The following AMPH variants were observed in gnomAD, a reference collection of about 807,000 sequenced individuals.
The protein encoded by AMPH is amphiphysin (Stiff-Mann syndrome with breast cancer 128kD autoantigen).
A neutral mutation model predicts 99.1 loss-of-function variants in AMPH; 49 were observed. The observed-to-expected ratio is 0.49, with a 90% CI of 0.39 to 0.63. The LOEUF (loss-of-function observed/expected upper bound fraction) is 0.63, where lower values mean the gene tolerates loss of function less well. AMPH is among the 20% of genes least tolerant of loss of function. AMPH has a pLI of 0.00. For missense variants in AMPH, 759 were observed against 863.4 expected (o/e 0.88, Z 1.52); for synonymous variants, 314 against 317.3 (o/e 0.99, Z 0.11).
intron 1 of AMPH, among the ~76,000 whole-genome samples, chr7:38,558,340 G>A (rs1371833135): frequency 6.6e-6 from 1 of 152,206 alleles, no homozygotes; most frequent in Non-Finnish European, 1.5e-5. Context: ...GACAGAAGCA[G>A]GTGGAGTGCA....
chr7:38,570,925 A>ATT (rs1481187346), intron 1 of AMPH, among the ~76,000 whole-genome samples: 2 of 55,678 alleles, frequency 3.6e-5, no homozygotes, highest in Non-Finnish European at 3.6e-5. Flanking sequence ...TAACAAAAAA[A>ATT]TTTATATATA....
chr7:38,432,307 T>C, intron 12 of AMPH, 95 bp from the exon 13 acceptor site: 1 of 1,180,728 alleles, frequency 8.5e-7, no homozygotes, highest in Middle Eastern at 2.7e-4. Flanking sequence ...ATAAGCATTT[T>C]TTAAGCATTT....
chr7:38,510,006 A>G (rs7783972), intron 2 of AMPH, among the ~76,000 whole-genome samples: 88,882 of 152,000 alleles, frequency 0.58, 26,305 homozygotes, highest in Middle Eastern at 0.71. Flanking sequence ...CTTAGCTATC[A>G]TTACTCCAGG....
intron 15 of AMPH, 77 bp from the exon 16 acceptor site, chr7:38,422,554 G>C (rs1021509451): frequency 4.6e-5 from 36 of 784,964 alleles, no homozygotes; most frequent in African/African-American, 1.4e-4. Flanking sequence ...GTCTGCCTAC[G>C]TATCTATCTA....
At chr7:38,499,742 C>T (rs1388213718) in intron 3 of AMPH, among the ~76,000 whole-genome samples, 1 of 152,164 alleles carries the variant, frequency 6.6e-6, no homozygotes, top group Non-Finnish European at 1.5e-5. Context: ...TGTTTCCTTA[C>T]CCAAATCCCA....
intron 1 of AMPH, among the ~76,000 whole-genome samples, chr7:38,535,326 CTTAT>C (rs1324396427): frequency 6.6e-6 from 1 of 152,144 alleles, no homozygotes; most frequent in Non-Finnish European, 1.5e-5. Context: ...GAAGCTATGC[CTTAT>C]TTGTCTTTTT....
At chr7:38,427,198 T>C (rs773494113) in intron 14 of AMPH, among the ~76,000 whole-genome samples, 76 of 152,162 alleles carry the variant, frequency 5.0e-4, no homozygotes, top group Non-Finnish European at 1.0e-3. Context: ...AGGTTAATTT[T>C]ACAATTATTG....
intron 17 of AMPH, among the ~76,000 whole-genome samples, chr7:38,413,316 A>T (rs535471322): frequency 6.6e-6 from 1 of 152,292 alleles, no homozygotes; most frequent in South Asian, 2.1e-4. Context: ...ATTGCTTTTG[A>T]TCATAATAAC....
chr7:38,488,512 G>T (rs1024642243), intron 5 of AMPH, among the ~76,000 whole-genome samples: 2 of 138,942 alleles, frequency 1.4e-5, no homozygotes, highest in South Asian at 2.6e-4. Context: ...ACACACCGGG[G>T]CCTGTCGGGG....
intron 17 of AMPH, among the ~76,000 whole-genome samples, chr7:38,404,377 G>A (rs1784925312): frequency 6.6e-6 from 1 of 152,066 alleles, no homozygotes; most frequent in African/African-American, 2.4e-5. Flanking sequence ...TGCTGCAGAA[G>A]GGCATAGTGC....
At chr7:38,453,537 T>G (rs919412488) in intron 11 of AMPH, among the ~76,000 whole-genome samples, 1 of 152,252 alleles carries the variant, frequency 6.6e-6, no homozygotes, top group East Asian at 1.9e-4. Flanking sequence ...GGGACTCTCC[T>G]GGCATCTGTA....
intron 1 of AMPH, among the ~76,000 whole-genome samples, chr7:38,620,579 ACAC>A (rs1794025293): frequency 6.9e-6 from 1 of 145,864 alleles, no homozygotes; most frequent in Non-Finnish European, 1.5e-5. Context: ...ACACACACAC[ACAC>A]ACACACACGT....
At chr7:38,623,492 T>C (rs1320943652) in intron 1 of AMPH, among the ~76,000 whole-genome samples, 3 of 152,194 alleles carry the variant, frequency 2.0e-5, no homozygotes, top group African/African-American at 4.8e-5. Flanking sequence ...TTGAAGTTTC[T>C]AATACAGCCA....
At chr7:38,534,805 T>G in intron 2 of AMPH, 126 bp downstream of exon 2, 1 of 741,066 alleles carries the variant, frequency 1.3e-6, no homozygotes, top group South Asian at 1.8e-5. Context: ...AATTAGCAAG[T>G]GTTACTCTCA....
At chr7:38,581,946 G>T (rs1235512798) in intron 1 of AMPH, among the ~76,000 whole-genome samples, 1 of 152,122 alleles carries the variant, frequency 6.6e-6, no homozygotes, top group Non-Finnish European at 1.5e-5. Context: ...CTAAGTTTGA[G>T]ATGCTATTAG....
chr7:38,584,178 G>A (rs1792565209), intron 1 of AMPH, among the ~76,000 whole-genome samples: 2 of 152,068 alleles, frequency 1.3e-5, no homozygotes, highest in Non-Finnish European at 2.9e-5. Flanking sequence ...CAGCATTTCA[G>A]GCTACTGGGA....
intron 13 of AMPH, 89 bp from the exon 14 acceptor site, chr7:38,429,954 T>A: frequency 8.1e-7 from 1 of 1,227,584 alleles, no homozygotes; most frequent in Non-Finnish European, 1.1e-6. Context: ...GTCAACATTC[T>A]GCTGAAGGCT....
chr7:38,479,395 G>C (rs917604858), intron 5 of AMPH, among the ~76,000 whole-genome samples: 1 of 152,048 alleles, frequency 6.6e-6, no homozygotes, highest in Non-Finnish European at 1.5e-5. Context: ...AACAAAGGCT[G>C]AGGGAATTCA....
intron 17 of AMPH, among the ~76,000 whole-genome samples, chr7:38,401,645 A>G (rs1784843484): frequency 6.6e-6 from 1 of 152,200 alleles, no homozygotes; most frequent in Admixed American, 6.5e-5. Flanking sequence ...TAGTACTGAT[A>G]TGGATAAGTC....
Sources: gnomAD v4.1 joint callset for allele counts (sites outside exome capture counted in the v4.1 genomes callset) on GRCh38, gnomAD v4.1.1 for gene constraint, MANE v1.5 for transcripts, NCBI Gene and HGNC (gene_info 2026-07-23, HGNC 2026-07-21) for gene names.